CTNNA3: variants seen among roughly 807,000 people sequenced by gnomAD.
CTNNA3 encodes catenin alpha 3.
A neutral mutation model predicts 95.7 loss-of-function variants in CTNNA3; 76 were observed. That is an observed-to-expected ratio of 0.79 (90% CI 0.66 to 0.96). CTNNA3 has a LOEUF of 0.96. Ranked by LOEUF, CTNNA3 falls within the 40% of genes least tolerant of loss-of-function variation. The probability of loss-of-function intolerance (pLI) is 0.00; values close to 1 mark genes in which losing one functional copy is unlikely to be tolerated. For synonymous variants in CTNNA3, 431 were observed against 374.4 expected (o/e 1.15, Z -1.74); for missense variants, 1,191 against 1,089.8 (o/e 1.09, Z -1.31).
At chr10:66,064,828 C>T (rs2080280499) in intron 15 of CTNNA3, among the ~76,000 whole-genome samples, 1 of 152,102 alleles carries the variant, frequency 6.6e-6, no homozygotes, top group Non-Finnish European at 1.5e-5. Context: ...GCTTTTTGTT[C>T]AAATTTTGTG....
chr10:66,841,436 TC>T (rs1448026142), intron 7 of CTNNA3, among the ~76,000 whole-genome samples: 8 of 152,204 alleles, frequency 5.3e-5, no homozygotes, highest in African/African-American at 1.9e-4. Flanking sequence ...TCCTTCCAAT[TC>T]ATTCAAATGG....
At chr10:66,196,662 A>G (rs1248701027) in intron 13 of CTNNA3, among the ~76,000 whole-genome samples, 1 of 152,214 alleles carries the variant, frequency 6.6e-6, no homozygotes, top group African/African-American at 2.4e-5. Context: ...GTCCTGTTGA[A>G]GGACACTTTA....
intron 7 of CTNNA3, among the ~76,000 whole-genome samples, chr10:67,115,133 C>A (rs1481586173): frequency 6.6e-6 from 1 of 152,082 alleles, no homozygotes; most frequent in Non-Finnish European, 1.5e-5. Context: ...TAATATTTGA[C>A]TAACTTCAAG....
At chr10:67,649,051 T>A (rs898301884) in intron 1 of CTNNA3, among the ~76,000 whole-genome samples, 1 of 152,216 alleles carries the variant, frequency 6.6e-6, no homozygotes, top group African/African-American at 2.4e-5. Context: ...TGCAATAGGA[T>A]ATGTCCTTCA....
At chr10:67,053,801 T>G (rs528119831) in intron 7 of CTNNA3, among the ~76,000 whole-genome samples, 1 of 152,320 alleles carries the variant, frequency 6.6e-6, no homozygotes, top group Admixed American at 6.5e-5. Context: ...ATTTTCCCAT[T>G]GAGATTAATC....
At chr10:67,356,687 C>A (rs1168423360) in intron 5 of CTNNA3, among the ~76,000 whole-genome samples, 2 of 152,022 alleles carry the variant, frequency 1.3e-5, no homozygotes, top group African/African-American at 4.8e-5. Flanking sequence ...GATAACAATC[C>A]TTAATCAACT....
chr10:67,580,719 C>T (rs201394254), intron 3 of CTNNA3, among the ~76,000 whole-genome samples: 21,535 of 151,360 alleles, frequency 0.14, 1,613 homozygotes, highest in East Asian at 0.29. Flanking sequence ...TTGTTTGTGT[C>T]CTCTTTTATT....
chr10:67,516,373 C>T (rs1286338907), intron 5 of CTNNA3, among the ~76,000 whole-genome samples: 1 of 152,146 alleles, frequency 6.6e-6, no homozygotes, highest in Non-Finnish European at 1.5e-5. Context: ...CGGAACTCAT[C>T]AACTTTTTCT....
chr10:67,064,537 T>A (rs1381011710), intron 7 of CTNNA3, among the ~76,000 whole-genome samples: 1 of 152,212 alleles, frequency 6.6e-6, no homozygotes, highest in African/African-American at 2.4e-5. Context: ...AAGCTTTCTC[T>A]ATAACATTTA....
At chr10:67,171,628 C>T (rs763505671) in intron 7 of CTNNA3, among the ~76,000 whole-genome samples, 6 of 151,546 alleles carry the variant, frequency 4.0e-5, no homozygotes, top group African/African-American at 7.3e-5. Context: ...AGTGCACACC[C>T]GTAGTCCCAG....
chr10:66,823,523 C>G (rs75035984), intron 7 of CTNNA3, among the ~76,000 whole-genome samples: 2,549 of 152,276 alleles, frequency 0.017, 71 homozygotes, highest in African/African-American at 0.058. Context: ...CAGGGAGACA[C>G]TGAGCATAGG....
At chr10:65,955,925 G>A (rs546880213) in intron 17 of CTNNA3, among the ~76,000 whole-genome samples, 14 of 152,090 alleles carry the variant, frequency 9.2e-5, no homozygotes, top group African/African-American at 3.1e-4. Context: ...GGAGGATTTC[G>A]TCTTTTTCCA....
intron 7 of CTNNA3, among the ~76,000 whole-genome samples, chr10:66,855,413 G>A (rs1843651689): frequency 1.3e-5 from 2 of 151,930 alleles, no homozygotes; most frequent in African/African-American, 4.8e-5. Context: ...CAATTAATAT[G>A]ATAAGTGTAA....
At chr10:66,541,146 G>A (rs981440992) in intron 10 of CTNNA3, among the ~76,000 whole-genome samples, 5 of 151,958 alleles carry the variant, frequency 3.3e-5, no homozygotes, top group Non-Finnish European at 7.4e-5. Context: ...GGATGCTCAG[G>A]TGCCTCCTTA....
chr10:67,605,979 T>G (rs1409257882), intron 3 of CTNNA3, among the ~76,000 whole-genome samples: 1 of 152,196 alleles, frequency 6.6e-6, no homozygotes, highest in African/African-American at 2.4e-5. Flanking sequence ...CCAAAAATTT[T>G]TTTTAAATCC....
intron 10 of CTNNA3, among the ~76,000 whole-genome samples, chr10:66,590,153 G>C (rs1413156685): frequency 6.6e-6 from 1 of 152,034 alleles, no homozygotes; most frequent in Non-Finnish European, 1.5e-5. Flanking sequence ...TATAAACTAA[G>C]TTGAAGGCTT....
chr10:67,408,882 C>CAAAAAAAA (rs766212790), intron 5 of CTNNA3, among the ~76,000 whole-genome samples: 2 of 97,196 alleles, frequency 2.1e-5, no homozygotes, highest in African/African-American at 3.8e-5. Context: ...CTTAAATTTA[C>CAAAAAAAA]AAAAAAAAAA....
chr10:67,407,656 T>C (rs1057173268), intron 5 of CTNNA3, among the ~76,000 whole-genome samples: 1 of 152,144 alleles, frequency 6.6e-6, no homozygotes, highest in African/African-American at 2.4e-5. Flanking sequence ...TAATTGCGTA[T>C]CTAGAAAACC....
chr10:66,551,718 T>C (rs2939911), intron 10 of CTNNA3, among the ~76,000 whole-genome samples: 139,953 of 151,836 alleles, frequency 0.92, 64,688 homozygotes, highest in East Asian at 0.98. Context: ...AGTAGGCATT[T>C]AACTCAAGTT....
Sources: gnomAD v4.1 joint callset for allele counts (sites outside exome capture counted in the v4.1 genomes callset) on GRCh38, gnomAD v4.1.1 for gene constraint, MANE v1.5 for transcripts, NCBI Gene and HGNC (gene_info 2026-07-23, HGNC 2026-07-21) for gene names.